Variants in CTNNA3 observed in about 807,000 individuals in gnomAD.
CTNNA3 encodes catenin alpha 3.
CTNNA3 carries 76 observed loss-of-function variants against 95.7 expected under a neutral mutation model. The observed-to-expected ratio is 0.79, with a 90% CI of 0.66 to 0.96. The LOEUF is 0.96. Among genes scored for constraint, CTNNA3 ranks in the 40% least tolerant of loss-of-function variants. The pLI is 0.00. For missense variants in CTNNA3, 1,191 were observed against 1,089.8 expected, an observed-to-expected ratio of 1.09 and a Z score of -1.31; for synonymous variants, 431 against 374.4, an observed-to-expected ratio of 1.15 and a Z score of -1.74.
intron 5 of CTNNA3, among the ~76,000 whole-genome samples, chr10:67,520,160 A>C (rs1219350422): frequency 1.3e-5 from 2 of 152,212 alleles, no homozygotes; most frequent in Non-Finnish European, 2.9e-5. Flanking sequence ...TAAATGTTTA[A>C]ATCATACCAT....
chr10:66,432,964 C>A (rs2093309505), intron 11 of CTNNA3, among the ~76,000 whole-genome samples: 1 of 152,150 alleles, frequency 6.6e-6, no homozygotes, highest in Non-Finnish European at 1.5e-5. Context: ...CATGTCCCTG[C>A]AAAGGACAGC....
chr10:66,352,007 G>A (rs2092570448), intron 12 of CTNNA3, among the ~76,000 whole-genome samples: 2 of 152,066 alleles, frequency 1.3e-5, no homozygotes, highest in South Asian at 4.1e-4. Context: ...AATTTTAAGA[G>A]TCATGAAGTA....
At chr10:66,377,087 T>G (rs2092801240) in intron 12 of CTNNA3, among the ~76,000 whole-genome samples, 1 of 152,122 alleles carries the variant, frequency 6.6e-6, no homozygotes, top group Non-Finnish European at 1.5e-5. Context: ...TTTCATAAAT[T>G]TCAAAGAAGG....
chr10:66,968,949 G>A (rs1391460455), intron 7 of CTNNA3, among the ~76,000 whole-genome samples: 2 of 151,838 alleles, frequency 1.3e-5, no homozygotes, highest in African/African-American at 2.4e-5. Flanking sequence ...CCCAGGAAGC[G>A]GAGGTTCCAG....
In CTNNA3 at chr10:66,823,955, T is replaced by A. The variant is rs374314789; in HGVS notation, c.1048-48431A>T. 1.2e-4 allele frequency among the ~76,000 whole-genome samples: 18 copies of A among 152,126 alleles called. 1 individual carries two copies. In the East Asian group the frequency reaches 3.3e-3, roughly 28 times the overall value. On this transcript the variant is annotated intron_variant, in intron 7 of 17. Coordinates refer to ENST00000433211, the MANE Select transcript of CTNNA3 (RefSeq NM_013266.4). ...AAAGCTCAGATTGAATTCAAATTTA[T>A]GTAACAGATAGAAAGGGAAAAGAAA...
intron 1 of CTNNA3, among the ~76,000 whole-genome samples, chr10:67,741,859 G>A (rs527434511): frequency 4.0e-5 from 6 of 151,300 alleles, no homozygotes; most frequent in African/African-American, 1.5e-4. Flanking sequence ...TGCAATCCTA[G>A]TCTCTGATAA....
intron 5 of CTNNA3, among the ~76,000 whole-genome samples, chr10:67,370,051 T>C (rs1843362044): frequency 6.6e-6 from 1 of 152,204 alleles, no homozygotes; most frequent in South Asian, 2.1e-4. Context: ...TATATGTATG[T>C]ATGTGTGTAT....
chr10:66,425,861 C>T lies in CTNNA3; in HGVS notation c.1532-46509G>A, dbSNP rs115238437. Reference sequence around the variant, plus strand: ...CTGAGATTAAGAATACACAACATTACCAGCTCCCCAGAAGCTCCTTCGTTC... The same window carrying T: ...CTGAGATTAAGAATACACAACATTATCAGCTCCCCAGAAGCTCCTTCGTTC... On this transcript the variant is annotated intron_variant, in intron 11 of 17. Transcript: ENST00000433211. 6.4e-3 allele frequency among the ~76,000 whole-genome samples: 974 copies of T among 152,118 alleles called. 9 individuals carry two copies. The highest frequency in any genetic ancestry group is 0.022 in the African/African-American group (915 of 41,528).
At position 67,150,973 on chromosome 10, in the gene CTNNA3, T is replaced by G. The variant is rs1380219206; in HGVS notation, c.1047+29344A>C. ...GTATGTCCCCACCCTGAGTTCCAGC[T>G]CTACACACATCTTCAAAAAACTCTT... On this transcript the variant is annotated intron_variant, in intron 7 of 17. Coordinates refer to ENST00000433211, the MANE Select transcript of CTNNA3 (RefSeq NM_013266.4). 2.6e-5 allele frequency among the ~76,000 whole-genome samples: 4 copies of G among 152,304 alleles called. No homozygotes were observed. The East Asian group carries it at 7.7e-4, about 29-fold the overall frequency.
At chr10:67,719,998 T>C (rs1371646756) in intron 1 of CTNNA3, among the ~76,000 whole-genome samples, 1 of 152,024 alleles carries the variant, frequency 6.6e-6, no homozygotes, top group Non-Finnish European at 1.5e-5. Context: ...GTTGTTTGCA[T>C]ATACATTCGG....
At chr10:67,459,387 G>A (rs1847292474) in intron 5 of CTNNA3, among the ~76,000 whole-genome samples, 2 of 152,208 alleles carry the variant, frequency 1.3e-5, no homozygotes. Flanking sequence ...ATCAGTGTCT[G>A]ATTTCTGCCC....
chr10:67,322,034 A>G (rs1425068625), intron 5 of CTNNA3, among the ~76,000 whole-genome samples: 1 of 151,916 alleles, frequency 6.6e-6, no homozygotes, highest in Non-Finnish European at 1.5e-5. Context: ...TTTCTTATAC[A>G]CTGACAAGGT....
At chr10:67,431,035 A>G (rs369707431) in intron 5 of CTNNA3, among the ~76,000 whole-genome samples, 1 of 152,010 alleles carries the variant, frequency 6.6e-6, no homozygotes, top group African/African-American at 2.4e-5. Flanking sequence ...CAAAATGGGT[A>G]AATGGCATTA....
At chr10:67,700,953 C>G (rs924731158), upstream of CTNNA3, among the ~76,000 whole-genome samples, 4 of 152,122 alleles carry the variant, frequency 2.6e-5, no homozygotes, top group African/African-American at 9.7e-5. Context: ...AGCTGAAAGC[C>G]AAGGCTCGAG....
At chr10:66,961,672 C>T (rs578096657) in intron 7 of CTNNA3, among the ~76,000 whole-genome samples, 2 of 152,170 alleles carry the variant, frequency 1.3e-5, no homozygotes, top group East Asian at 3.9e-4. Flanking sequence ...TTGATCTCTC[C>T]CCTGAATTCT....
intron 7 of CTNNA3, among the ~76,000 whole-genome samples, chr10:67,079,173 G>A (rs1443702225): frequency 1.3e-5 from 2 of 152,202 alleles, no homozygotes; most frequent in Non-Finnish European, 2.9e-5. Context: ...TCTGCTGGCT[G>A]TATTTTTTGT....
rs1252577432 is a variant in CTNNA3, at chr10:66,632,695, A to G, written c.1282-10911T>C. The stretch of plus-strand genomic sequence containing the variant: ...TCCTGCTCTCTACTTTCAGGAGAAA[A>G]GTGCAATTATGTAAAAAGGCTAGAA... On this transcript the variant is annotated intron_variant, in intron 9 of 17. Transcript: ENST00000433211. Among the ~76,000 whole-genome samples the G allele has an allele frequency of 1.3e-5, 2 of 152,024 alleles. 1 individual carries two copies. The highest frequency in any genetic ancestry group is 2.9e-5 in the Non-Finnish European group (2 of 68,000).
At chr10:66,433,339 T>C (rs1564958225) in intron 11 of CTNNA3, among the ~76,000 whole-genome samples, 1 of 152,220 alleles carries the variant, frequency 6.6e-6, no homozygotes, top group South Asian at 2.1e-4. Context: ...ATGATTGCCA[T>C]TCTAACTGGC....
intron 5 of CTNNA3, among the ~76,000 whole-genome samples, chr10:67,340,293 G>A (rs993721997): frequency 6.6e-6 from 1 of 151,874 alleles, no homozygotes; most frequent in Non-Finnish European, 1.5e-5. Context: ...AAAGTCAAAG[G>A]TAAGAAAAAT....
Sources: gnomAD v4.1 joint callset for allele counts (sites outside exome capture counted in the v4.1 genomes callset) on GRCh38, gnomAD v4.1.1 for gene constraint, MANE v1.5 for transcripts, NCBI Gene and HGNC (gene_info 2026-07-23, HGNC 2026-07-21) for gene names.